Variants in HDGF observed in about 807,000 individuals in gnomAD.
HDGF encodes heparin binding growth factor.
Under a neutral mutation model 30.0 loss-of-function variants are expected in HDGF, and 5 were observed. That is an observed-to-expected ratio of 0.17 (90% CI 0.09 to 0.35). The LOEUF is 0.35. Among genes scored for constraint, HDGF ranks in the 10% least tolerant of loss-of-function variants. HDGF has a pLI of 1.00. For missense variants in HDGF, 214 were observed against 302.8 expected, an observed-to-expected ratio of 0.71 and a Z score of 2.18; for synonymous variants, 133 against 112.7, an observed-to-expected ratio of 1.18 and a Z score of -1.14.
At chr1:156,744,951 CAGAGCCCACAGCCACAT>C in intron 3 of HDGF, 40 bp downstream of exon 3, 1 of 1,592,970 alleles carries the variant, frequency 6.3e-7, no homozygotes. Context: ...CGGGGGCTGC[CAGAGCCCACAGCCACAT>C]CTGCTTTCCA....
upstream of HDGF, among the ~76,000 whole-genome samples, chr1:156,754,363 TG>T (rs1197388951): frequency 6.6e-6 from 1 of 152,236 alleles, no homozygotes; most frequent in Non-Finnish European, 1.5e-5. Context: ...CAAAATCTCT[TG>T]GGCCTCTCAT....
intron 1 of HDGF, among the ~76,000 whole-genome samples, chr1:156,761,599 A>C (rs1651249196): frequency 6.9e-6 from 1 of 145,082 alleles, no homozygotes; most frequent in Non-Finnish European, 1.5e-5. Flanking sequence ...ACAGAGTGAG[A>C]CTCTGTCTCA....
chr1:156,746,870 A>G (rs1051715345), intron 1 of HDGF, among the ~76,000 whole-genome samples: 7 of 152,170 alleles, frequency 4.6e-5, no homozygotes, highest in Non-Finnish European at 7.4e-5. Flanking sequence ...TAACACACAG[A>G]GACAGGGACA....
intron 1 of HDGF, among the ~76,000 whole-genome samples, chr1:156,750,888 G>A (rs1431993350): frequency 1.3e-5 from 2 of 151,928 alleles, no homozygotes; most frequent in African/African-American, 4.8e-5. Flanking sequence ...ACGAAGAGAA[G>A]AGTTTGAATT....
chr1:156,758,604 T>TAAATAAAAAA lies in HDGF; in HGVS notation n.373+378_373+379insTTTTTTATTT, dbSNP rs1553251119. ...CGAGACTCCGTCTCAAAAAAAAAAA[T>TAAATAAAAAA]AAATAAATAAATAAATAAAAAAAAT... On this transcript the variant is annotated intron_variant and non_coding_transcript_variant, in intron 2 of 7. Transcript: ENST00000465180. Among the ~76,000 whole-genome samples the TAAATAAAAAA allele has an allele frequency of 7.3e-5, 7 of 96,450 alleles. 1 individual carries two copies. Among genetic ancestry groups the TAAATAAAAAA allele is most frequent in the African/African-American group, 1.1e-4 (3 of 26,534 alleles). The allele number at this position is 96,450 out of a possible 152,430, so 63.3% of individuals were successfully genotyped here. A position where few individuals can be genotyped will look rare whatever the true frequency, so the allele number is the denominator to read the frequency against.
intron 1 of HDGF, among the ~76,000 whole-genome samples, chr1:156,748,453 G>T (rs764595340): frequency 1.5e-4 from 23 of 152,282 alleles, no homozygotes; most frequent in Admixed American, 2.6e-4. Context: ...GGGCCAAATA[G>T]TGCTGGGGAC....
chr1:156,765,752 C>T (rs1235236326), intron 1 of HDGF, among the ~76,000 whole-genome samples: 1 of 152,088 alleles, frequency 6.6e-6, no homozygotes, highest in African/African-American at 2.4e-5. Context: ...GGATTACAAG[C>T]GTGAGCCACC....
chr1:156,745,905 G>A (rs934017565), intron 1 of HDGF, among the ~76,000 whole-genome samples: 51 of 152,174 alleles, frequency 3.4e-4, no homozygotes, highest in Admixed American at 3.3e-4. Flanking sequence ...GTAAAAGGGA[G>A]ACAGTCATAG....
intron 1 of HDGF, among the ~76,000 whole-genome samples, chr1:156,746,559 C>T (rs1412033597): frequency 6.6e-6 from 1 of 152,220 alleles, no homozygotes; most frequent in East Asian, 1.9e-4. Flanking sequence ...GACTAAATCC[C>T]CCGCCCCACG....
chr1:156,760,656 A>G (rs1651233829), intron 1 of HDGF, among the ~76,000 whole-genome samples: 4 of 152,050 alleles, frequency 2.6e-5, no homozygotes, highest in Non-Finnish European at 5.9e-5. Context: ...GAAGATGACA[A>G]TGACAGGTGG....
upstream of HDGF, among the ~76,000 whole-genome samples, chr1:156,754,522 G>A (rs1038728068): frequency 6.6e-6 from 1 of 152,202 alleles, no homozygotes; most frequent in Non-Finnish European, 1.5e-5. Flanking sequence ...TAACAACTAA[G>A]CCAAGAGCTG....
At chr1:156,743,501 G>A in intron 5 of HDGF, 46 bp from the exon 6 acceptor site, 2 of 1,574,670 alleles carry the variant, frequency 1.3e-6, no homozygotes, top group Non-Finnish European at 1.7e-6. Context: ...GTGTGGCCTT[G>A]GCCTGGCCTT....
chr1:156,759,205 T>C (rs1305905190), exon 2 of HDGF: 2 of 152,290 alleles, frequency 1.3e-5, no homozygotes, highest in East Asian at 3.9e-4. Context: ...AGGTAGTACA[T>C]GCCAATGATG....
At chr1:156,763,515 T>G (rs1390880254) in intron 1 of HDGF, among the ~76,000 whole-genome samples, 5 of 151,796 alleles carry the variant, frequency 3.3e-5, no homozygotes, top group Admixed American at 2.6e-4. Flanking sequence ...TGTCCGGCCC[T>G]CATTCTGTTT....
At chr1:156,758,600 A>AT (rs1553251111) in intron 2 of HDGF, among the ~76,000 whole-genome samples, 7 of 105,128 alleles carry the variant, frequency 6.7e-5, no homozygotes, top group African/African-American at 2.2e-4. Context: ...CTCAAAAAAA[A>AT]AAATAAATAA....
At chr1:156,749,170 A>G (rs1650799529) in intron 1 of HDGF, among the ~76,000 whole-genome samples, 1 of 152,162 alleles carries the variant, frequency 6.6e-6, no homozygotes, top group Non-Finnish European at 1.5e-5. Context: ...GGGACCTTCT[A>G]GTTTCACCCA....
chr1:156,763,629 A>C (rs1651297840), intron 1 of HDGF, among the ~76,000 whole-genome samples: 1 of 147,320 alleles, frequency 6.8e-6, no homozygotes, highest in Non-Finnish European at 1.5e-5. Flanking sequence ...TCTGTTGCCC[A>C]GGCTGGAGTG....
intron 5 of HDGF, 72 bp from the exon 6 acceptor site, chr1:156,743,527 G>A (rs377504506): frequency 1.5e-5 from 23 of 1,583,474 alleles, no homozygotes; most frequent in East Asian, 6.7e-5. Context: ...AGCCAGTGCC[G>A]GTCTCCTAGG....
chr1:156,757,673 G>A (rs1036780024), intron 2 of HDGF, among the ~76,000 whole-genome samples: 1 of 149,374 alleles, frequency 6.7e-6, no homozygotes, highest in Admixed American at 6.7e-5. Flanking sequence ...CACAACTGTA[G>A]TCCCAGATAC....
Sources: allele counts gnomAD v4.1 joint callset (sites outside exome capture counted in the v4.1 genomes callset), GRCh38; gene constraint gnomAD v4.1.1; transcripts MANE v1.5; gene names NCBI Gene and HGNC (gene_info 2026-07-23, HGNC 2026-07-21).